The following ANO6 variants were observed in gnomAD, a reference collection of about 807,000 sequenced individuals.
The protein encoded by ANO6 is anoctamin-6.
In ANO6, 106 loss-of-function variants were observed where a neutral mutation model predicts 117.5. That is an observed-to-expected ratio of 0.90 (90% CI 0.77 to 1.06). The LOEUF is 1.06. Among genes scored for constraint, ANO6 ranks in the 50% least tolerant of loss-of-function variants. ANO6 has a pLI of 0.00. For missense variants in ANO6, 955 were observed against 1,121.1 expected, an observed-to-expected ratio of 0.85 and a Z score of 2.12; for synonymous variants, 367 against 385.1, an observed-to-expected ratio of 0.95 and a Z score of 0.55.
intron 1 of ANO6, among the ~76,000 whole-genome samples, chr12:45,235,609 G>A (rs140958878): frequency 4.6e-4 from 70 of 152,238 alleles, no homozygotes; most frequent in Admixed American, 1.0e-3. Context: ...GTGGTATGCC[G>A]CCTTTTAACT....
chr12:45,406,879 T>C (rs1942948546), intron 15 of ANO6, among the ~76,000 whole-genome samples: 1 of 152,166 alleles, frequency 6.6e-6, no homozygotes, highest in South Asian at 2.1e-4. Context: ...GAAGAGGAAG[T>C]GAGATGTAAA....
chr12:45,403,019 T>C, intron 13 of ANO6, 53 bp from the exon 14 acceptor site: 1 of 1,527,624 alleles, frequency 6.5e-7, no homozygotes, highest in East Asian at 2.3e-5. Context: ...TTTATTAGAG[T>C]CTCAAAGCTG....
chr12:45,352,560 TAAAAAAAAAAAA>T (rs5797940), intron 7 of ANO6, among the ~76,000 whole-genome samples: 1 of 93,932 alleles, frequency 1.1e-5, no homozygotes, highest in South Asian at 4.2e-4. Context: ...GATCCAGTCT[TAAAAAAAAAAAA>T]AAAAAAAAAA....
intron 11 of ANO6, 50 bp downstream of exon 11, chr12:45,388,353 T>A (rs369612815): frequency 3.7e-6 from 6 of 1,610,244 alleles, no homozygotes; most frequent in Non-Finnish European, 4.2e-6. Flanking sequence ...CTGCTGTGGT[T>A]CTCCTCCTTG....
Position 45,440,081 on chromosome 12 carries a change from C to T in ANO6, c.*143C>T, listed in dbSNP as rs77871697. On this transcript the variant is annotated 3_prime_UTR_variant, in exon 20 of 20. Transcript: ENST00000425752. The stretch of plus-strand genomic sequence containing the variant: ...TAAGACCATTAATTTTCCTCTAAAT[C>T]GTATTTGAGCTGCAACCCACAAGCT... 1.6e-5 allele frequency: 13 copies of T among 830,398 alleles called. No individual in the cohort carries two copies. The East Asian group carries it at 1.6e-4, about 10-fold the overall frequency. 51.4% of individuals were successfully genotyped at this position (830,398 alleles called of 1,614,324 possible). A position where few individuals can be genotyped will look rare whatever the true frequency, so the allele number is the denominator to read the frequency against.
intron 16 of ANO6, among the ~76,000 whole-genome samples, chr12:45,414,472 C>T (rs1943164054): frequency 6.6e-6 from 1 of 152,002 alleles, no homozygotes; most frequent in Non-Finnish European, 1.5e-5. Context: ...CATGACTTAG[C>T]TAGCTGTGTC....
At chr12:45,396,589 A>G (rs1190201430) in intron 12 of ANO6, among the ~76,000 whole-genome samples, 2 of 152,238 alleles carry the variant, frequency 1.3e-5, no homozygotes, top group South Asian at 2.1e-4. Context: ...AAACTATACT[A>G]CAAGGCTACA....
chr12:45,421,039 T>C, intron 17 of ANO6, 32 bp from the exon 18 acceptor site: 1 of 1,610,102 alleles, frequency 6.2e-7, no homozygotes. Context: ...AAACTATAAC[T>C]TCATTTTCGC....
intron 9 of ANO6, among the ~76,000 whole-genome samples, chr12:45,375,387 G>A (rs545596431): frequency 3.9e-5 from 6 of 152,266 alleles, no homozygotes; most frequent in South Asian, 2.1e-4. Context: ...AAAAGAGCCC[G>A]CATAGCCAAG....
chr12:45,324,064 A>G (rs1940378867), intron 2 of ANO6, among the ~76,000 whole-genome samples: 1 of 151,244 alleles, frequency 6.6e-6, no homozygotes, highest in South Asian at 2.1e-4. Context: ...CAGCCTCCCG[A>G]GTAGCTGGGA....
chr12:45,329,207 G>C (rs1294959197), intron 2 of ANO6, among the ~76,000 whole-genome samples: 5 of 152,064 alleles, frequency 3.3e-5, no homozygotes, highest in Non-Finnish European at 1.5e-5. Context: ...TTTTTATTTA[G>C]GCCAGTTCCG....
chr12:45,392,800 A>G (rs1049875811), intron 12 of ANO6, among the ~76,000 whole-genome samples: 1 of 152,230 alleles, frequency 6.6e-6, no homozygotes, highest in Non-Finnish European at 1.5e-5. Context: ...AATAGCATTA[A>G]CATCAACAAA....
At chr12:45,335,747 T>G (rs2137414355) in intron 3 of ANO6, 1 of 152,122 alleles carries the variant, frequency 6.6e-6, no homozygotes, top group East Asian at 1.9e-4. Context: ...TCTTGTACAT[T>G]TTTATTAACT....
intron 12 of ANO6, among the ~76,000 whole-genome samples, chr12:45,396,539 C>A (rs1157477251): frequency 6.6e-6 from 1 of 152,080 alleles, no homozygotes; most frequent in Non-Finnish European, 1.5e-5. Context: ...CAATCCTAAG[C>A]AAAAAGAAAA....
intron 9 of ANO6, among the ~76,000 whole-genome samples, chr12:45,373,873 G>A (rs1941921470): frequency 6.6e-6 from 1 of 152,108 alleles, no homozygotes; most frequent in African/African-American, 2.4e-5. Flanking sequence ...GAGCAGAACT[G>A]AAGGAAATAG....
At position 45,429,949 on chromosome 12, in the gene ANO6, A is replaced by G. The variant is rs1394766008; in HGVS notation, c.*638A>G. 1.0e-6 allele frequency: 1 copy of G among 987,916 alleles called. No individual in the cohort carries two copies. Among genetic ancestry groups the G allele is most frequent in the East Asian group, 1.1e-4 (1 of 8,900 alleles). 61.2% of individuals were successfully genotyped at this position (987,916 alleles called of 1,614,324 possible). Reference sequence around the variant, plus strand: ...TTAGTAGGTTGGAGTGAAGATAGCAAGGTTTTGAAGCATATTTGTCCTAAT... The same window carrying G: ...TTAGTAGGTTGGAGTGAAGATAGCAGGGTTTTGAAGCATATTTGTCCTAAT... On this transcript the variant is annotated 3_prime_UTR_variant, in exon 20 of 20. Transcript: ENST00000320560.
At chr12:45,304,844 G>A (rs1939614007) in intron 2 of ANO6, among the ~76,000 whole-genome samples, 1 of 152,174 alleles carries the variant, frequency 6.6e-6, no homozygotes, top group Admixed American at 6.5e-5. Context: ...AATGTGACTA[G>A]TTAGGTAAAG....
chr12:45,311,812 G>T (rs1939859258), intron 2 of ANO6, among the ~76,000 whole-genome samples: 1 of 152,038 alleles, frequency 6.6e-6, no homozygotes, highest in African/African-American at 2.4e-5. Context: ...ATTTCTAATT[G>T]ATTAACTTGG....
intron 3 of ANO6, among the ~76,000 whole-genome samples, chr12:45,344,167 A>C (rs1178356324): frequency 6.6e-6 from 1 of 152,190 alleles, no homozygotes; most frequent in African/African-American, 2.4e-5. Flanking sequence ...GTCTTAGGTC[A>C]CTGGATGCTA....
Sources: allele counts gnomAD v4.1 joint callset (sites outside exome capture counted in the v4.1 genomes callset), GRCh38; gene constraint gnomAD v4.1.1; transcripts MANE v1.5; gene names NCBI Gene and HGNC (gene_info 2026-07-23, HGNC 2026-07-21).